Variants in NDEL1 observed in about 807,000 individuals in gnomAD.
The protein encoded by NDEL1 is nuclear distribution protein nudE-like 1.
NDEL1 carries 9 observed loss-of-function variants against 45.7 expected under a neutral mutation model. The ratio of observed to expected loss-of-function variants is 0.20; its 90% CI spans 0.12 to 0.34. NDEL1 has a LOEUF of 0.34. Among genes scored for constraint, NDEL1 ranks in the 10% least tolerant of loss-of-function variants. The pLI is 1.00. For missense variants in NDEL1, 306 were observed against 406.2 expected, an observed-to-expected ratio of 0.75 and a Z score of 2.12; for synonymous variants, 133 against 158.6, an observed-to-expected ratio of 0.84 and a Z score of 1.21.
chr17:8,462,677 C>T (rs1911287688), intron 8 of NDEL1: 2 of 152,244 alleles, frequency 1.3e-5, no homozygotes, highest in Admixed American at 1.3e-4. Flanking sequence ...TGAAAAAGCC[C>T]TCCACTGCAG....
At position 8,439,294 on chromosome 17, in the gene NDEL1, T is replaced by C. The variant is rs1405836196; in HGVS notation, c.-13+3249T>C. ...TCTCACCCTTTTGCCCAGGCTGGAG[T>C]GCAGTGGCCAATCTCGGCTCACTGC... On this transcript the variant is annotated intron_variant, in intron 1 of 8. Coordinates refer to ENST00000334527, the MANE Select transcript of NDEL1 (RefSeq NM_030808.5). Among the ~76,000 whole-genome samples, 3 of 145,140 alleles carry C rather than the reference T, an allele frequency of 2.1e-5. No individual in the cohort carries two copies. The East Asian group carries it at 6.2e-4, about 30-fold the overall frequency.
chr17:8,453,892 C>T (rs1323246287), intron 6 of NDEL1, among the ~76,000 whole-genome samples: 2 of 151,944 alleles, frequency 1.3e-5, no homozygotes, highest in Non-Finnish European at 2.9e-5. Flanking sequence ...ATAGAATAGG[C>T]TAATAGTTCA....
At chr17:8,432,308 T>TATATATATTTATATATAA (rs1597516658), upstream of NDEL1, 56 of 128,452 alleles carry the variant, frequency 4.4e-4, 1 homozygote, top group Admixed American at 1.5e-3. Context: ...TAAAGAGATA[T>TATATATATTTATATATAA]ATATATATAT....
At chr17:8,473,697 C>T (rs1911987262) in intron 3 of NDEL1, among the ~76,000 whole-genome samples, 2 of 152,152 alleles carry the variant, frequency 1.3e-5, no homozygotes, top group South Asian at 2.1e-4. Context: ...CCCCTTACCC[C>T]CAGAACCAGT....
intron 1 of NDEL1, among the ~76,000 whole-genome samples, chr17:8,423,706 A>G (rs1908756938): frequency 6.6e-6 from 1 of 152,144 alleles, no homozygotes; most frequent in African/African-American, 2.4e-5. Context: ...ACAAACAAAC[A>G]AAAAAGGAGG....
downstream of NDEL1, among the ~76,000 whole-genome samples, chr17:8,471,599 T>TA (rs895994378): frequency 5.3e-5 from 8 of 152,256 alleles, no homozygotes; most frequent in Non-Finnish European, 8.8e-5. Context: ...TGGAGCCTGT[T>TA]ACTGGGCTGC....
At chr17:8,444,237 A>C in intron 1 of NDEL1, 23 bp from the exon 2 acceptor site, 1 of 1,439,852 alleles carries the variant, frequency 6.9e-7, no homozygotes, top group Non-Finnish European at 9.7e-7. Flanking sequence ...TAATTTGTTA[A>C]GTTTGTCTTT....
intron 1 of NDEL1, 121 bp from the exon 2 acceptor site, chr17:8,444,137 ACT>A: frequency 1.6e-6 from 1 of 628,880 alleles, no homozygotes; most frequent in Non-Finnish European, 2.8e-6. Flanking sequence ...AGAGTTAACC[ACT>A]GGAATCTCTC....
chr17:8,448,818 C>G (rs1324806643), intron 5 of NDEL1, 132 bp downstream of exon 5: 1 of 938,718 alleles, frequency 1.1e-6, no homozygotes, highest in African/African-American at 1.7e-5. Flanking sequence ...GCATTCAAAA[C>G]CCTGTATATG....
chr17:8,444,434 T>C (rs1224354947), intron 2 of NDEL1, 77 bp downstream of exon 2: 1 of 979,840 alleles, frequency 1.0e-6, no homozygotes, highest in Non-Finnish European at 1.6e-6. Flanking sequence ...TTTTTCTTTT[T>C]AACATAAAGC....
intron 6 of NDEL1, among the ~76,000 whole-genome samples, chr17:8,452,449 A>G (rs1242508134): frequency 6.6e-6 from 1 of 152,140 alleles, no homozygotes; most frequent in Non-Finnish European, 1.5e-5. Context: ...TATGGCAGTA[A>G]TATTTGCTTA....
chr17:8,421,107 G>A (rs1398561275), intron 1 of NDEL1, among the ~76,000 whole-genome samples: 1 of 152,198 alleles, frequency 6.6e-6, no homozygotes, highest in African/African-American at 2.4e-5. Flanking sequence ...TAGTTTCATA[G>A]AGATGATCAT....
chr17:8,443,999 C>T (rs1310870817), intron 1 of NDEL1: 1 of 294,218 alleles, frequency 3.4e-6, no homozygotes, highest in East Asian at 7.1e-5. Flanking sequence ...AGTCACCCAG[C>T]GCCTATGCTG....
intron 6 of NDEL1, among the ~76,000 whole-genome samples, chr17:8,451,913 G>T (rs1910529699): frequency 1.3e-5 from 2 of 152,142 alleles, no homozygotes; most frequent in Admixed American, 1.3e-4. Flanking sequence ...ACCAGCCCAT[G>T]TGGCTATTTA....
At chr17:8,441,683 G>A (rs73973130) in intron 1 of NDEL1, among the ~76,000 whole-genome samples, 1,865 of 151,882 alleles carry the variant, frequency 0.012, 35 homozygotes, top group African/African-American at 0.042. Context: ...CTTCTCACTT[G>A]TGCTCTATGC....
chr17:8,416,852 G>C (rs975088639), intron 1 of NDEL1, among the ~76,000 whole-genome samples: 1 of 152,112 alleles, frequency 6.6e-6, no homozygotes, highest in African/African-American at 2.4e-5. Flanking sequence ...CTGTTTGGGT[G>C]ATCTGTCTTT....
intron 1 of NDEL1, among the ~76,000 whole-genome samples, chr17:8,426,032 C>T (rs377502835): frequency 6.6e-6 from 1 of 152,222 alleles, no homozygotes; most frequent in East Asian, 1.9e-4. Context: ...TCAAGTGATC[C>T]TCCCACCTTA....
At chr17:8,423,936 GA>G (rs1218598492) in intron 1 of NDEL1, among the ~76,000 whole-genome samples, 2 of 152,152 alleles carry the variant, frequency 1.3e-5, no homozygotes, top group African/African-American at 4.8e-5. Context: ...ATAGGCTTAG[GA>G]AATAGTTTAC....
At chr17:8,430,836 T>C (rs1432782025) in intron 1 of NDEL1, among the ~76,000 whole-genome samples, 9 of 152,186 alleles carry the variant, frequency 5.9e-5, no homozygotes, top group African/African-American at 1.9e-4. Context: ...GGATTTGGTA[T>C]ATTGGAAGCA....
Sources: gnomAD v4.1 joint callset for allele counts (sites outside exome capture counted in the v4.1 genomes callset) on GRCh38, gnomAD v4.1.1 for gene constraint, MANE v1.5 for transcripts, NCBI Gene and HGNC (gene_info 2026-07-23, HGNC 2026-07-21) for gene names.